Variants in KLF12 observed in about 807,000 individuals in gnomAD.
KLF12 encodes the protein KLF transcription factor 12.
In KLF12, 9 loss-of-function variants were observed where a neutral mutation model predicts 37.8. That is an observed-to-expected ratio of 0.24 (90% CI 0.14 to 0.42). The LOEUF (loss-of-function observed/expected upper bound fraction) is 0.42, where lower values mean the gene tolerates loss of function less well. KLF12 is among the 10% of genes least tolerant of loss of function. The pLI, the probability that KLF12 is intolerant of heterozygous loss-of-function variation, is 1.00. For missense variants in KLF12, 411 were observed against 516.0 expected (o/e 0.80, Z 1.97); for synonymous variants, 208 against 202.1 (o/e 1.03, Z -0.25).
chr13:73,931,140 G>C (rs1390177328), intron 3 of KLF12, among the ~76,000 whole-genome samples: 1 of 152,146 alleles, frequency 6.6e-6, no homozygotes, highest in African/African-American at 2.4e-5. Flanking sequence ...TTACAGGCAT[G>C]AGCCACTGCC....
the KLF12 span, among the ~76,000 whole-genome samples, chr13:74,299,662 A>T: frequency 1.3e-5 from 2 of 152,190 alleles, no homozygotes; most frequent in African/African-American, 4.8e-5. Flanking sequence ...TTTTTGAAGA[A>T]CTGCCATAGA....
chr13:74,057,967 A>AT lies in KLF12; in HGVS notation c.-31-62915dup, dbSNP rs11418994. On this transcript the variant is annotated intron_variant, in intron 1 of 7. Coordinates refer to ENST00000377669, the MANE Select transcript of KLF12 (RefSeq NM_007249.5). Reference sequence around the variant, plus strand: ...CATGCAGCCACTTTATAGCTATGTAATTTTTTTTTTTTTTTTTGAGATGGA... The same window carrying AT: ...CATGCAGCCACTTTATAGCTATGTAATTTTTTTTTTTTTTTTTTGAGATGGA... Among the ~76,000 whole-genome samples the AT allele has an allele frequency of 6.8e-3, 962 of 141,730 alleles. 6 individuals are homozygous for AT. Among genetic ancestry groups the AT allele is most frequent in the African/African-American group, 0.016 (603 of 38,810 alleles). 93.0% of individuals were successfully genotyped at this position (141,730 alleles called of 152,430 possible). A position where few individuals can be genotyped will look rare whatever the true frequency, so the allele number is the denominator to read the frequency against.
At chr13:73,879,404 A>G (rs74095875) in intron 3 of KLF12, among the ~76,000 whole-genome samples, 2 of 152,104 alleles carry the variant, frequency 1.3e-5, no homozygotes, top group Non-Finnish European at 2.9e-5. Context: ...GTGACATAAA[A>G]TTTGAGTCAC....
intron 6 of KLF12, among the ~76,000 whole-genome samples, chr13:73,759,151 C>T (rs1022207698): frequency 1.3e-5 from 2 of 152,100 alleles, no homozygotes; most frequent in Non-Finnish European, 2.9e-5. Flanking sequence ...AACTATGGCC[C>T]ATTTTCCAAA....
chr13:74,195,620 A>G, the KLF12 span, among the ~76,000 whole-genome samples: 2 of 152,126 alleles, frequency 1.3e-5, no homozygotes, highest in South Asian at 4.1e-4. Flanking sequence ...TTGTTTTGAG[A>G]TGGGTTCTCA....
At chr13:73,933,543 G>T (rs1194736890) in intron 3 of KLF12, among the ~76,000 whole-genome samples, 1 of 152,144 alleles carries the variant, frequency 6.6e-6, no homozygotes, top group Non-Finnish European at 1.5e-5. Context: ...GACTGGCATG[G>T]CTAAACACGA....
chr13:74,148,475 A>G, the KLF12 span, among the ~76,000 whole-genome samples: 1 of 139,242 alleles, frequency 7.2e-6, no homozygotes, highest in East Asian at 2.1e-4. Flanking sequence ...AAATTCAGTA[A>G]GACTTTCACT....
the KLF12 span, among the ~76,000 whole-genome samples, chr13:74,207,174 T>A: frequency 6.6e-6 from 1 of 152,168 alleles, no homozygotes. Flanking sequence ...ACGAGCCCAC[T>A]CATATGATCA....
chr13:74,299,996 A>T, the KLF12 span, among the ~76,000 whole-genome samples: 1 of 152,124 alleles, frequency 6.6e-6, no homozygotes, highest in South Asian at 2.1e-4. Flanking sequence ...CCAGCCTGGG[A>T]CGTAGAAAGC....
At chr13:73,772,731 A>G (rs1037290571) in intron 5 of KLF12, among the ~76,000 whole-genome samples, 9 of 152,194 alleles carry the variant, frequency 5.9e-5, no homozygotes, top group African/African-American at 2.2e-4. Context: ...TGGAACTGGC[A>G]CAGTCGGATT....
At chr13:74,132,969 A>G (rs1244381262) in intron 1 of KLF12, among the ~76,000 whole-genome samples, 1 of 152,182 alleles carries the variant, frequency 6.6e-6, no homozygotes. Flanking sequence ...CTTCTGAGGC[A>G]AGAAGTGGCT....
At chr13:74,283,815 C>T in the KLF12 span, among the ~76,000 whole-genome samples, 1 of 151,610 alleles carries the variant, frequency 6.6e-6, no homozygotes, top group Non-Finnish European at 1.5e-5. Context: ...TTCACTGAGA[C>T]TGAGGCTTTT....
intron 3 of KLF12, among the ~76,000 whole-genome samples, chr13:73,930,420 T>C (rs1248631948): frequency 1.3e-5 from 2 of 152,246 alleles, no homozygotes; most frequent in Non-Finnish European, 2.9e-5. Flanking sequence ...AATAATGTTT[T>C]ATGTTTTTGG....
chr13:73,784,786 A>G (rs1161116411), intron 5 of KLF12, among the ~76,000 whole-genome samples: 1 of 151,540 alleles, frequency 6.6e-6, no homozygotes, highest in Non-Finnish European at 1.5e-5. Context: ...ACCCCCCACC[A>G]TGCCCGGCTA....
chr13:74,279,892 A>G, the KLF12 span, among the ~76,000 whole-genome samples: 1 of 152,220 alleles, frequency 6.6e-6, no homozygotes, highest in African/African-American at 2.4e-5. Context: ...AGTCTTGGGC[A>G]AATTTATGAG....
chr13:73,774,883 G>C (rs1391053810), intron 5 of KLF12, among the ~76,000 whole-genome samples: 1 of 148,350 alleles, frequency 6.7e-6, no homozygotes, highest in African/African-American at 2.5e-5. Context: ...GTGTGTGTCT[G>C]TGTGTGCATA....
Position 73,811,127 on chromosome 13 carries a change from A to G in KLF12, c.806+2025T>C, listed in dbSNP as rs1594118568. Among the ~76,000 whole-genome samples the G allele has an allele frequency of 4.0e-5, 6 of 150,836 alleles. 1 individual carries two copies. In the South Asian group the frequency reaches 1.3e-3, roughly 32 times the overall value. The stretch of plus-strand genomic sequence containing the variant: ...CAGCCTCCCGAGTAACTGGGATTAC[A>G]GGCACCCACCACCACGCCCAGCTAA... On this transcript the variant is annotated intron_variant, in intron 5 of 7. Transcript: ENST00000377669.
chr13:74,028,182 T>C (rs1016601082), intron 1 of KLF12, among the ~76,000 whole-genome samples: 4 of 152,174 alleles, frequency 2.6e-5, no homozygotes, highest in Non-Finnish European at 5.9e-5. Flanking sequence ...ATAACATTCC[T>C]AGATTAATCC....
chr13:74,117,571 C>A (rs990135346), intron 1 of KLF12, among the ~76,000 whole-genome samples: 8 of 152,112 alleles, frequency 5.3e-5, no homozygotes, highest in Non-Finnish European at 1.2e-4. Flanking sequence ...CTCACTTCCA[C>A]AGAACAGAGT....
Sources: allele counts gnomAD v4.1 joint callset (sites outside exome capture counted in the v4.1 genomes callset), GRCh38; gene constraint gnomAD v4.1.1; transcripts MANE v1.5; gene names NCBI Gene and HGNC (gene_info 2026-07-23, HGNC 2026-07-21).